DPP10: variants seen among roughly 807,000 people sequenced by gnomAD.
DPP10 encodes the protein inactive dipeptidyl peptidase 10.
Under a neutral mutation model 120.9 loss-of-function variants are expected in DPP10, and 33 were observed. The observed-to-expected ratio is 0.27, with a 90% CI of 0.21 to 0.37. DPP10 has a LOEUF of 0.37. DPP10 is among the 10% of genes least tolerant of loss of function. The pLI is 1.00. For synonymous variants in DPP10, 337 were observed against 326.1 expected (o/e 1.03, Z -0.36); for missense variants, 816 against 942.8 (o/e 0.87, Z 1.76).
chr2:115,021,098 C>T (rs1237629503), intron 1 of DPP10, among the ~76,000 whole-genome samples: 1 of 151,984 alleles, frequency 6.6e-6, no homozygotes, highest in Non-Finnish European at 1.5e-5. Context: ...TCTAAGGTCA[C>T]ACATCACAGA....
rs575690724 is a variant in DPP10 at position 115,368,067 on chromosome 2, G to A, written c.271+24155G>A. ...GCACACCTTTATTTTAGCCTTTGCT[G>A]TAAATTAAGGTCTGTGACCATTATT... On this transcript the variant is annotated intron_variant, in intron 3 of 25. Transcript: ENST00000410059. 2.6e-5 allele frequency among the ~76,000 whole-genome samples: 4 copies of A among 152,244 alleles called. No homozygotes were observed. The East Asian group carries it at 5.8e-4, about 22-fold the overall frequency.
At chr2:115,220,023 CACTT>C (rs1358874343) in intron 1 of DPP10, among the ~76,000 whole-genome samples, 2 of 152,202 alleles carry the variant, frequency 1.3e-5, no homozygotes, top group Non-Finnish European at 2.9e-5. Context: ...ATTTACTGAA[CACTT>C]ACTGTGATCT....
At chr2:115,618,257 A>C (rs1251588230) in intron 5 of DPP10, among the ~76,000 whole-genome samples, 1 of 152,204 alleles carries the variant, frequency 6.6e-6, no homozygotes, top group Admixed American at 6.5e-5. Context: ...AGATGAGTAA[A>C]TAAAGAGTGA....
chr2:115,134,671 G>T (rs2050555074), intron 1 of DPP10, among the ~76,000 whole-genome samples: 3 of 151,966 alleles, frequency 2.0e-5, no homozygotes, highest in Non-Finnish European at 4.4e-5. Flanking sequence ...AAAGATCAGA[G>T]TAATAGCATA....
intron 1 of DPP10, among the ~76,000 whole-genome samples, chr2:114,794,412 G>T (rs920760995): frequency 8.5e-5 from 13 of 152,194 alleles, no homozygotes; most frequent in Admixed American, 5.9e-4. Context: ...TTCAGAGAAA[G>T]CGAGGGTGTT....
At chr2:115,762,666 T>A (rs1479210601) in intron 12 of DPP10, 56 bp downstream of exon 12, 3 of 1,581,140 alleles carry the variant, frequency 1.9e-6, no homozygotes, top group Non-Finnish European at 2.6e-6. Flanking sequence ...TGTTCACCCA[T>A]TTTTTATGTG....
chr2:115,621,792 C>T lies in DPP10; in HGVS notation c.442-67895C>T, dbSNP rs187853851. Among the ~76,000 whole-genome samples the T allele has an allele frequency of 2.7e-3, 410 of 152,232 alleles. 1 individual carries two copies. The highest frequency in any genetic ancestry group is 9.4e-3 in the African/African-American group (390 of 41,546). Reference sequence around the variant, plus strand: ...CCTCCCAGGTTCAAGCAATTCTCCCCTCAGATTCCCAAGTAGCTGGGATTA... The same window carrying T: ...CCTCCCAGGTTCAAGCAATTCTCCCTTCAGATTCCCAAGTAGCTGGGATTA... On this transcript the variant is annotated intron_variant, in intron 5 of 25. Transcript: ENST00000410059.
At chr2:114,477,421 A>G (rs1217717387) in intron 1 of DPP10, among the ~76,000 whole-genome samples, 1 of 152,110 alleles carries the variant, frequency 6.6e-6, no homozygotes, top group Non-Finnish European at 1.5e-5. Context: ...ACACATATAT[A>G]CACATATATG....
At chr2:115,493,810 G>C (rs1444399034) in intron 3 of DPP10, among the ~76,000 whole-genome samples, 2 of 152,138 alleles carry the variant, frequency 1.3e-5, no homozygotes, top group African/African-American at 4.8e-5. Context: ...CAGCTGTACT[G>C]CAGAAGATAC....
intron 1 of DPP10, among the ~76,000 whole-genome samples, chr2:115,031,762 T>C (rs1703857363): frequency 1.3e-5 from 2 of 152,162 alleles, no homozygotes; most frequent in African/African-American, 4.8e-5. Context: ...AATCTTGCAA[T>C]CTGACTTAGT....
chr2:114,620,006 A>G (rs545505525), intron 1 of DPP10, among the ~76,000 whole-genome samples: 2 of 152,100 alleles, frequency 1.3e-5, no homozygotes, highest in East Asian at 3.9e-4. Flanking sequence ...AGGTTCATCA[A>G]TTATTACTTA....
At chr2:115,515,294 C>A (rs1438032055) in intron 4 of DPP10, among the ~76,000 whole-genome samples, 1 of 151,902 alleles carries the variant, frequency 6.6e-6, no homozygotes, top group Non-Finnish European at 1.5e-5. Context: ...TAGATAATAT[C>A]AAATTTCATT....
chr2:114,739,581 C>T (rs1201700751), intron 1 of DPP10, among the ~76,000 whole-genome samples: 2 of 152,100 alleles, frequency 1.3e-5, no homozygotes, highest in Non-Finnish European at 2.9e-5. Flanking sequence ...ATCGCTTGAA[C>T]CTGGGAGGTA....
intron 1 of DPP10, among the ~76,000 whole-genome samples, chr2:114,713,407 C>G (rs1485013766): frequency 1.3e-5 from 2 of 152,096 alleles, no homozygotes; most frequent in African/African-American, 4.8e-5. Context: ...ACAGACTGTT[C>G]TCCAGAAAGA....
intron 4 of DPP10, among the ~76,000 whole-genome samples, chr2:115,508,032 T>C (rs2077037435): frequency 6.6e-6 from 1 of 152,134 alleles, no homozygotes; most frequent in African/African-American, 2.4e-5. Context: ...AAATGGGTAA[T>C]TCTATTTTGA....
intron 1 of DPP10, among the ~76,000 whole-genome samples, chr2:114,938,754 A>T (rs1338410430): frequency 1.6e-5 from 2 of 127,610 alleles, no homozygotes; most frequent in East Asian, 4.5e-4. Flanking sequence ...TTTTGGTCAG[A>T]GGAGACTTTT....
rs79106003 is a variant in DPP10 at position 114,687,855 on chromosome 2, C to A, written c.60+245017C>A. On this transcript the variant is annotated intron_variant, in intron 1 of 25. Coordinates refer to ENST00000410059, the MANE Select transcript of DPP10 (RefSeq NM_020868.6). ...CCATTCCTACAACCTCACCTGGTGACACACAGAGTCCCGTCTCTTCAGAAT... is the reference window on the plus strand; with the variant it reads ...CCATTCCTACAACCTCACCTGGTGAAACACAGAGTCCCGTCTCTTCAGAAT... 8.5e-5 allele frequency among the ~76,000 whole-genome samples: 13 copies of A among 152,132 alleles called. No individual in the cohort carries two copies. The East Asian group carries it at 2.5e-3, about 30-fold the overall frequency.
intron 1 of DPP10, among the ~76,000 whole-genome samples, chr2:114,954,221 C>T (rs145147946): frequency 0.014 from 2,051 of 151,716 alleles, 43 homozygotes; most frequent in African/African-American, 0.048. Flanking sequence ...GCTGGGACTA[C>T]AGGCGCCCGC....
intron 3 of DPP10, among the ~76,000 whole-genome samples, chr2:115,453,084 AC>A (rs1410728672): frequency 6.6e-6 from 1 of 151,588 alleles, no homozygotes; most frequent in African/African-American, 2.4e-5. Flanking sequence ...TTAAAACCTT[AC>A]CTTATGTTTG....
Sources: gnomAD v4.1 joint callset for allele counts (sites outside exome capture counted in the v4.1 genomes callset) on GRCh38, gnomAD v4.1.1 for gene constraint, MANE v1.5 for transcripts, NCBI Gene and HGNC (gene_info 2026-07-23, HGNC 2026-07-21) for gene names.